The following NDUFAF6 variants were observed in gnomAD, a reference collection of about 807,000 sequenced individuals.
The protein encoded by NDUFAF6 is NADH dehydrogenase (ubiquinone) complex I, assembly factor 6.
NDUFAF6 carries 45 observed loss-of-function variants against 40.8 expected under a neutral mutation model. That is an observed-to-expected ratio of 1.10 (90% CI 0.87 to 1.42). The LOEUF is 1.42. Ranked by LOEUF, NDUFAF6 falls within the 40% of genes most tolerant of loss-of-function variation. The pLI is 0.00. For synonymous variants in NDUFAF6, 185 were observed against 155.9 expected, an observed-to-expected ratio of 1.19 and a Z score of -1.39; for missense variants, 435 against 418.5, an observed-to-expected ratio of 1.04 and a Z score of -0.34.
intron 2 of NDUFAF6, chr8:94,945,650 C>T (rs1821920201): frequency 6.6e-6 from 1 of 152,232 alleles, no homozygotes; most frequent in Non-Finnish European, 1.5e-5. Context: ...TTAGACTCCT[C>T]TCCTCCCCAG....
chr8:94,980,442 GTTTTTTT>G (rs869184585), intron 1 of NDUFAF6, among the ~76,000 whole-genome samples: 1 of 107,902 alleles, frequency 9.3e-6, no homozygotes, highest in Non-Finnish European at 1.9e-5. Context: ...TGGTTTTTTT[GTTTTTTT>G]TTTTTTTTTT....
chr8:94,953,279 G>A (rs1411195266), upstream of NDUFAF6, among the ~76,000 whole-genome samples: 2 of 151,850 alleles, frequency 1.3e-5, no homozygotes, highest in Admixed American at 6.6e-5. Context: ...CCGGGGAGGC[G>A]GAGGTTGCAT....
rs202217322 is a variant in NDUFAF6 at position 94,933,606 on chromosome 8, AAC to A, written c.-935-11873_-935-11872del. ...ATGGTGAAACCCTGTCTCTACTAAA[AAC>A]ACAACAATTAGCCAGGTGTGGTAGT... On this transcript the variant is annotated intron_variant, in intron 1 of 14. Coordinates refer to the NDUFAF6 transcript ENST00000396113. 9.4e-3 allele frequency among the ~76,000 whole-genome samples: 1,436 copies of A among 152,226 alleles called. 14 individuals carry two copies. Among genetic ancestry groups the A allele is most frequent in the Non-Finnish European group, 0.016 (1,088 of 68,014 alleles).
chr8:95,104,482 A>G (rs1230834847), downstream of NDUFAF6, among the ~76,000 whole-genome samples: 1 of 152,172 alleles, frequency 6.6e-6, no homozygotes, highest in Non-Finnish European at 1.5e-5. Flanking sequence ...TTACAGTTGC[A>G]CTTAAACACA....
upstream of NDUFAF6, among the ~76,000 whole-genome samples, chr8:95,095,970 C>A (rs564348365): frequency 3.9e-5 from 6 of 152,046 alleles, no homozygotes; most frequent in Non-Finnish European, 8.8e-5. Flanking sequence ...CGGCTGATTT[C>A]GCTGTTTTTG....
chr8:95,104,259 A>C (rs983190503), downstream of NDUFAF6, among the ~76,000 whole-genome samples: 1 of 152,192 alleles, frequency 6.6e-6, no homozygotes, highest in Non-Finnish European at 1.5e-5. Context: ...TTTTGGGAAA[A>C]AAGAGGTGAA....
At chr8:94,976,412 G>A (rs1039767310) in intron 1 of NDUFAF6, among the ~76,000 whole-genome samples, 2 of 148,164 alleles carry the variant, frequency 1.3e-5, no homozygotes, top group Admixed American at 6.9e-5. Context: ...GCTGAGTTAC[G>A]AGAATCACTT....
At chr8:94,951,563 C>A (rs903815832) in intron 2 of NDUFAF6, among the ~76,000 whole-genome samples, 1 of 152,202 alleles carries the variant, frequency 6.6e-6, no homozygotes, top group Non-Finnish European at 1.5e-5. Context: ...GATTTATAAT[C>A]TTCCCACCTG....
intron 1 of NDUFAF6, among the ~76,000 whole-genome samples, chr8:94,905,499 C>T (rs556747566): frequency 2.0e-5 from 3 of 152,036 alleles, no homozygotes; most frequent in Non-Finnish European, 4.4e-5. Context: ...GTAGCCAGAC[C>T]TCCTCTGACT....
downstream of NDUFAF6, among the ~76,000 whole-genome samples, chr8:95,080,592 A>ATT (rs1808809406): frequency 4.5e-5 from 1 of 22,126 alleles, no homozygotes. Flanking sequence ...TTTTGTAGTG[A>ATT]TTTTCGGTAG....
intron 2 of NDUFAF6, among the ~76,000 whole-genome samples, chr8:95,000,611 A>G (rs967547848): frequency 1.3e-5 from 2 of 151,734 alleles, no homozygotes; most frequent in Non-Finnish European, 2.9e-5. Context: ...CAAACTATAT[A>G]AAAAAGTATA....
At chr8:95,095,068 G>A (rs1809410261) in intron 2 of NDUFAF6, among the ~76,000 whole-genome samples, 1 of 151,784 alleles carries the variant, frequency 6.6e-6, no homozygotes, top group Admixed American at 6.6e-5. Context: ...TTTTTCTATT[G>A]ATCCTCACCT....
chr8:94,972,726 A>G (rs1824569514), intron 1 of NDUFAF6, among the ~76,000 whole-genome samples: 1 of 65,116 alleles, frequency 1.5e-5, no homozygotes, highest in Admixed American at 2.0e-4. Flanking sequence ...CCCTGTCTCT[A>G]CTGAAACTTA....
At position 94,985,068 on chromosome 8, in the gene NDUFAF6, G is replaced by A. The variant is rs1035884207; in HGVS notation, c.-84+4095G>A. Reference sequence around the variant, plus strand: ...CCAGCCTCCTTTGCAGCTAGGGGATGGCCATGTAATCCAAGTCTGGCCAAA... The same window carrying A: ...CCAGCCTCCTTTGCAGCTAGGGGATAGCCATGTAATCCAAGTCTGGCCAAA... On this transcript the variant is annotated intron_variant, in intron 2 of 9. Coordinates refer to the NDUFAF6 transcript ENST00000396111. Among the ~76,000 whole-genome samples the A allele has an allele frequency of 7.2e-5, 11 of 152,186 alleles. No individual in the cohort carries two copies. The East Asian group carries it at 1.9e-3, about 27-fold the overall frequency.
At chr8:94,925,306 A>G (rs957375988) in intron 1 of NDUFAF6, among the ~76,000 whole-genome samples, 8 of 152,206 alleles carry the variant, frequency 5.3e-5, no homozygotes, top group Admixed American at 1.3e-4. Flanking sequence ...AGAGCTCCAC[A>G]ATAGGGGTAT....
intron 1 of NDUFAF6, among the ~76,000 whole-genome samples, chr8:94,935,158 T>TAGATAGATA (rs1820852947): frequency 6.6e-6 from 1 of 151,832 alleles, no homozygotes; most frequent in South Asian, 2.1e-4. Flanking sequence ...GATAGATAGA[T>TAGATAGATA]AGATAGATAG....
At chr8:95,062,878 TG>T (rs1179561177), downstream of NDUFAF6, among the ~76,000 whole-genome samples, 2 of 152,172 alleles carry the variant, frequency 1.3e-5, no homozygotes, top group African/African-American at 2.4e-5. Context: ...TAATGTGGGC[TG>T]GGGGCTCTCA....
At chr8:95,041,890 T>G (rs1830189110) in intron 4 of NDUFAF6, among the ~76,000 whole-genome samples, 2 of 152,182 alleles carry the variant, frequency 1.3e-5, no homozygotes. Flanking sequence ...TTTTCATACT[T>G]ACATAAAAGT....
chr8:94,953,283 G>T (rs545007994), upstream of NDUFAF6, among the ~76,000 whole-genome samples: 1 of 151,540 alleles, frequency 6.6e-6, no homozygotes, highest in South Asian at 2.1e-4. Flanking sequence ...GGAGGCGGAG[G>T]TTGCATGAGC....
Sources: allele counts gnomAD v4.1 joint callset (sites outside exome capture counted in the v4.1 genomes callset), GRCh38; gene constraint gnomAD v4.1.1; transcripts MANE v1.5; gene names NCBI Gene and HGNC (gene_info 2026-07-23, HGNC 2026-07-21).